Variants in RAB3C observed in about 807,000 individuals in gnomAD.
The protein encoded by RAB3C is RAB3C, member RAS oncogene family.
RAB3C carries 17 observed loss-of-function variants against 26.4 expected under a neutral mutation model. The observed-to-expected ratio is 0.64, with a 90% CI of 0.44 to 0.97. RAB3C has a LOEUF of 0.97. Among genes scored for constraint, RAB3C ranks in the 50% least tolerant of loss-of-function variants. RAB3C has a pLI of 0.00. For missense variants in RAB3C, 242 were observed against 281.9 expected (o/e 0.86, Z 1.01); for synonymous variants, 91 against 95.9 (o/e 0.95, Z 0.30).
Position 58,787,488 on chromosome 5 carries a change from G to T in RAB3C, c.372-37550G>T, listed in dbSNP as rs538476121. On this transcript the variant is annotated intron_variant, in intron 3 of 4. Coordinates refer to ENST00000282878, the MANE Select transcript of RAB3C (RefSeq NM_138453.4). ...GTATTTTCTCACTTTCTAGAAGAATGTGTTTTGTCTATATACTTTGAAAAA... is the reference window on the plus strand; with the variant it reads ...GTATTTTCTCACTTTCTAGAAGAATTTGTTTTGTCTATATACTTTGAAAAA... Among the ~76,000 whole-genome samples, 155 of 152,248 alleles carry T rather than the reference G, an allele frequency of 1.0e-3. 1 individual carries two copies. The highest frequency in any genetic ancestry group is 3.5e-3 in the African/African-American group (145 of 41,538).
intron 2 of RAB3C, among the ~76,000 whole-genome samples, chr5:58,694,420 A>T (rs935847553): frequency 5.3e-5 from 8 of 152,208 alleles, no homozygotes. Flanking sequence ...TTATAGTAGC[A>T]TGATTTATAA....
chr5:58,695,370 T>C (rs1294919209), intron 2 of RAB3C, among the ~76,000 whole-genome samples: 1 of 152,200 alleles, frequency 6.6e-6, no homozygotes, highest in East Asian at 1.9e-4. Context: ...GCCTCCAGCT[T>C]TGTTCTTTTT....
chr5:58,612,797 T>C (rs1746743717), intron 1 of RAB3C, among the ~76,000 whole-genome samples: 2 of 151,878 alleles, frequency 1.3e-5, no homozygotes, highest in African/African-American at 4.8e-5. Flanking sequence ...CCTGTCTTCC[T>C]ATTTGGATGC....
intron 2 of RAB3C, among the ~76,000 whole-genome samples, chr5:58,659,186 A>G (rs1358362159): frequency 6.6e-6 from 1 of 152,262 alleles, no homozygotes; most frequent in East Asian, 1.9e-4. Flanking sequence ...AGATATATAC[A>G]TATGCCCATG....
chr5:58,775,090 T>G (rs1742098580), intron 3 of RAB3C, among the ~76,000 whole-genome samples: 1 of 152,062 alleles, frequency 6.6e-6, no homozygotes, highest in African/African-American at 2.4e-5. Flanking sequence ...GGAACCCTGG[T>G]TAGGAAGTGA....
At chr5:58,711,720 C>A (rs1749065808) in intron 2 of RAB3C, among the ~76,000 whole-genome samples, 1 of 152,038 alleles carries the variant, frequency 6.6e-6, no homozygotes, top group African/African-American at 2.4e-5. Context: ...ATTACTTGCC[C>A]AGGGTCATAT....
At chr5:58,679,632 G>T (rs1172874371) in intron 2 of RAB3C, among the ~76,000 whole-genome samples, 1 of 152,030 alleles carries the variant, frequency 6.6e-6, no homozygotes, top group Non-Finnish European at 1.5e-5. Flanking sequence ...TGTTGTTGTT[G>T]TTTAACATAT....
chr5:58,655,178 C>T (rs1402335155), intron 2 of RAB3C, among the ~76,000 whole-genome samples: 1 of 152,134 alleles, frequency 6.6e-6, no homozygotes, highest in East Asian at 1.9e-4. Context: ...CTTAAGTTCT[C>T]ATCATAATTA....
chr5:58,714,893 A>T (rs929863613), intron 2 of RAB3C, among the ~76,000 whole-genome samples: 1 of 152,064 alleles, frequency 6.6e-6, no homozygotes, highest in East Asian at 1.9e-4. Flanking sequence ...GTAAATATAC[A>T]AATAAATATA....
intron 2 of RAB3C, among the ~76,000 whole-genome samples, chr5:58,643,227 C>CAGCTAAAAGAACATTGTCCTTTTA (rs1429671344): frequency 6.6e-6 from 1 of 152,154 alleles, no homozygotes; most frequent in Non-Finnish European, 1.5e-5. Flanking sequence ...AGAGTCATAA[C>CAGCTAAAAGAACATTGTCCTTTTA]AGCTAAAAGA....
chr5:58,781,805 G>A (rs972448998), intron 3 of RAB3C, among the ~76,000 whole-genome samples: 2 of 151,896 alleles, frequency 1.3e-5, no homozygotes, highest in Non-Finnish European at 2.9e-5. Flanking sequence ...ATCCCACCCT[G>A]AACCAAACCA....
Position 58,851,258 on chromosome 5 carries a change from G to A in RAB3C, c.591G>A (p.Glu197=). Residue 197 remains glutamate (E), a synonymous_variant, in exon 5 of 5, where the codon GAG becomes GAA. Coordinates refer to ENST00000282878, the MANE Select transcript of RAB3C (RefSeq NM_138453.4). ...ATATCATCTGCGACAAAATGTCAGAGAGTTTGGAGACTGATCCTGCCATCA... is the reference window on the plus strand; with the variant it reads ...ATATCATCTGCGACAAAATGTCAGAAAGTTTGGAGACTGATCCTGCCATCA... ...LVDIICDKMS[E]SLETDPAITA... 6.2e-7 allele frequency: 1 copy of A among 1,613,980 alleles called. No homozygotes were observed. Among genetic ancestry groups the A allele is most frequent in the South Asian group, 1.1e-5 (1 of 91,076 alleles).
intron 3 of RAB3C, among the ~76,000 whole-genome samples, chr5:58,730,269 T>C (rs113234996): frequency 1.6e-4 from 25 of 152,092 alleles, no homozygotes; most frequent in African/African-American, 6.0e-4. Flanking sequence ...AAAATTATTA[T>C]TAATTTCAAA....
intron 2 of RAB3C, among the ~76,000 whole-genome samples, chr5:58,685,030 T>TA: frequency 6.6e-6 from 1 of 152,286 alleles, no homozygotes; most frequent in East Asian, 1.9e-4. Context: ...AGTTTTTACT[T>TA]AAAAAGAGAA....
intron 2 of RAB3C, among the ~76,000 whole-genome samples, chr5:58,720,570 G>GT (rs907023495): frequency 1.3e-5 from 2 of 151,726 alleles, no homozygotes; most frequent in Non-Finnish European, 2.9e-5. Flanking sequence ...AACTCATTAG[G>GT]TTTTTTGTCT....
intron 2 of RAB3C, among the ~76,000 whole-genome samples, chr5:58,678,468 G>A (rs1748274465): frequency 6.6e-6 from 1 of 152,094 alleles, no homozygotes; most frequent in Admixed American, 6.6e-5. Flanking sequence ...CATGGGACAA[G>A]ATGGCAAGAT....
intron 2 of RAB3C, among the ~76,000 whole-genome samples, chr5:58,698,408 G>A (rs1305158451): frequency 6.6e-6 from 1 of 152,090 alleles, no homozygotes; most frequent in South Asian, 2.1e-4. Context: ...GTGTCTTGGG[G>A]TTGCTCTTCT....
chr5:58,614,340 G>A (rs183052376), intron 1 of RAB3C, among the ~76,000 whole-genome samples: 10 of 152,076 alleles, frequency 6.6e-5, no homozygotes, highest in Middle Eastern at 3.4e-3. Flanking sequence ...AGCAAGATTA[G>A]GGCTGTTTCT....
intron 1 of RAB3C, among the ~76,000 whole-genome samples, chr5:58,606,119 G>A (rs1461714411): frequency 6.6e-6 from 1 of 152,176 alleles, no homozygotes; most frequent in Non-Finnish European, 1.5e-5. Context: ...GGAAGCACAA[G>A]GGGTCAGGGA....
Sources: gnomAD v4.1 joint callset for allele counts (sites outside exome capture counted in the v4.1 genomes callset) on GRCh38, gnomAD v4.1.1 for gene constraint, MANE v1.5 for transcripts, NCBI Gene and HGNC (gene_info 2026-07-23, HGNC 2026-07-21) for gene names.